The following PCDHGA9 variants were observed in gnomAD, a reference collection of about 807,000 sequenced individuals.
PCDHGA9 encodes the protein protocadherin gamma-A9.
A neutral mutation model predicts 62.5 loss-of-function variants in PCDHGA9; 37 were observed. The observed-to-expected ratio is 0.59, with a 90% confidence interval of 0.46 to 0.78. The LOEUF (loss-of-function observed/expected upper bound fraction) is 0.78. Among genes scored for constraint, PCDHGA9 ranks in the 30% least tolerant of loss-of-function variants. PCDHGA9 has a pLI of 0.00. For synonymous variants in PCDHGA9, 459 were observed against 484.6 expected (o/e 0.95, Z 0.69); for missense variants, 1,138 against 1,166.2 (o/e 0.98, Z 0.35).
chr5:141,419,936 G>T, intron 1 of PCDHGA9: 2 of 1,614,074 alleles, frequency 1.2e-6, no homozygotes, highest in Non-Finnish European at 1.7e-6. Context: ...GTTTTACCTG[G>T]TGGTGGCCTT....
chr5:141,445,134 A>G lies in PCDHGA9; in HGVS notation c.2424+39758A>G, dbSNP rs900226020. ...TTGTAAATAGTATTTTTAAAATTGT[A>G]TCTTCTAATTGTTCATTTCTAGTTT... On this transcript the variant is annotated intron_variant, in intron 1 of 3. Transcript: ENST00000573521. Among the ~76,000 whole-genome samples, 174 of 152,316 alleles carry G rather than the reference A, an allele frequency of 1.1e-3. 4 individuals carry two copies. The highest frequency in any genetic ancestry group is 5.3e-4 in the Non-Finnish European group (36 of 68,016).
intron 1 of PCDHGA9, chr5:141,430,525 G>C (rs1354801907): frequency 3.3e-5 from 12 of 365,842 alleles, no homozygotes; most frequent in Admixed American, 1.3e-4. Context: ...GCAGTAATTG[G>C]TTAGGACTCT....
chr5:141,418,350 T>A, intron 1 of PCDHGA9: 1 of 1,614,002 alleles, frequency 6.2e-7, no homozygotes, highest in Non-Finnish European at 8.5e-7. Context: ...GATATTAGTA[T>A]GAATTCGCTG....
chr5:141,440,444 C>G (rs2098178389), intron 1 of PCDHGA9: 1 of 152,038 alleles, frequency 6.6e-6, no homozygotes, highest in Admixed American at 6.6e-5. Context: ...AAGGCGCCAT[C>G]TCAAAAAAAA....
At chr5:141,506,231 A>G (rs1453468632) in intron 3 of PCDHGA9, among the ~76,000 whole-genome samples, 4 of 152,082 alleles carry the variant, frequency 2.6e-5, no homozygotes, top group African/African-American at 4.8e-5. Context: ...CAGGAGGATC[A>G]TGAGGTCAGG....
Position 141,476,845 on chromosome 5 carries a change from C to T in PCDHGA9, c.2425-17962C>T. On this transcript the variant is annotated intron_variant, in intron 1 of 3. Transcript: ENST00000573521. The surrounding 1 kb of genome is among the most constrained non-coding windows in gnomAD (Gnocchi z 7.6). ...TGGACGCGAATGACAATGCGCCTGT[C>T]TTCAACCAGTCCTTGTACCGGGCGC... 1 of 1,613,794 alleles carries T rather than the reference C, an allele frequency of 6.2e-7. No homozygotes were observed. Among genetic ancestry groups the T allele is most frequent in the Non-Finnish European group, 8.5e-7 (1 of 1,180,054 alleles).
chr5:141,422,629 A>C lies in PCDHGA9; in HGVS notation c.2424+17253A>C, dbSNP rs780472571. 1.9e-6 allele frequency: 3 copies of C among 1,613,270 alleles called. No homozygotes were observed. The Admixed American group carries it at 5.0e-5, about 27-fold the overall frequency. Reference sequence around the variant, plus strand: ...TGCCTACATTCCCGAAAACAACCCCAGGGGTGCCTCCATCTTCTCAGTGAC... The same window carrying C: ...TGCCTACATTCCCGAAAACAACCCCCGGGGTGCCTCCATCTTCTCAGTGAC... On this transcript the variant is annotated intron_variant, in intron 1 of 3. Transcript: ENST00000573521.
At position 141,476,326 on chromosome 5, in the gene PCDHGA9, T is replaced by A. The variant is rs752845438; in HGVS notation, c.2425-18481T>A. Reference sequence around the variant, plus strand: ...CAGCCCGCAGGTTCCGGGTGGTGTCTGGAGCTAGCCGAAGATTCTTTGAGG... The same window carrying A: ...CAGCCCGCAGGTTCCGGGTGGTGTCAGGAGCTAGCCGAAGATTCTTTGAGG... On this transcript the variant is annotated intron_variant, in intron 1 of 3. Coordinates refer to ENST00000573521, the MANE Select transcript of PCDHGA9 (RefSeq NM_018921.3). This position sits in a 1 kb window ranked among gnomAD's most constrained non-coding sequence, Gnocchi z 7.6. The A allele has an allele frequency of 6.2e-7, 1 of 1,614,120 alleles. No individual in the cohort carries two copies. Among genetic ancestry groups the A allele is most frequent in the Non-Finnish European group, 8.5e-7 (1 of 1,180,034 alleles).
chr5:141,477,573 C>T lies in PCDHGA9; in HGVS notation c.2425-17234C>T, dbSNP rs1593790046. The T allele has an allele frequency of 6.2e-7, 1 of 1,614,056 alleles. No individual in the cohort carries two copies. Among genetic ancestry groups the T allele is most frequent in the South Asian group, 1.1e-5 (1 of 91,086 alleles). ...AACCTAAGTGTCTGGGACCCCGACGCCCCGCAGAATGCTCGGCTTTCTTTC... is the reference window on the plus strand; with the variant it reads ...AACCTAAGTGTCTGGGACCCCGACGTCCCGCAGAATGCTCGGCTTTCTTTC... On this transcript the variant is annotated intron_variant, in intron 1 of 3. Coordinates refer to ENST00000573521, the MANE Select transcript of PCDHGA9 (RefSeq NM_018921.3). This position sits in a 1 kb window ranked among gnomAD's most constrained non-coding sequence, Gnocchi z 4.9.
In PCDHGA9 at chr5:141,432,847, G is replaced by C. The variant is rs768265171; in HGVS notation, c.2424+27471G>C. ...ACCTCACTCTGTACCTGGTGGTAGC[G>C]GTGGCCGCGGTCTCCTGCGTCTTCC... On this transcript the variant is annotated intron_variant, in intron 1 of 3. Transcript: ENST00000573521. The surrounding 1 kb of genome is among the most constrained non-coding windows in gnomAD (Gnocchi z 6.0). The C allele has an allele frequency of 1.2e-6, 2 of 1,614,180 alleles. No homozygotes were observed. Among genetic ancestry groups the C allele is most frequent in the Admixed American group, 1.7e-5 (1 of 60,032 alleles).
Position 141,423,337 on chromosome 5 carries a change from A to G in PCDHGA9, c.2424+17961A>G, listed in dbSNP as rs769321122. The G allele has an allele frequency of 6.0e-5, 97 of 1,614,180 alleles. 1 individual carries two copies. The African/African-American group carries it at 8.9e-4, about 15-fold the overall frequency. ...GGTGGCGGTGGCCGCAGTCTCCTGC[A>G]TCTTCCTGGTCTTTGTCATCGTGCT... On this transcript the variant is annotated intron_variant, in intron 1 of 3. Coordinates refer to ENST00000573521, the MANE Select transcript of PCDHGA9 (RefSeq NM_018921.3).
chr5:141,456,390 T>G (rs1007800936), intron 1 of PCDHGA9, among the ~76,000 whole-genome samples: 2 of 152,114 alleles, frequency 1.3e-5, no homozygotes, highest in African/African-American at 4.8e-5. Context: ...CGTTTGGAGT[T>G]TGATTGCTTC....
chr5:141,403,350 TC>T lies in PCDHGA9; in HGVS notation c.400del (p.Gln134ArgfsTer7). 1.2e-6 allele frequency: 2 copies of T among 1,613,994 alleles called. No homozygotes were observed. The highest frequency in any genetic ancestry group is 1.7e-6 in the Non-Finnish European group (2 of 1,179,902). On this transcript the variant is annotated frameshift_variant, in exon 1 of 4. Coordinates refer to ENST00000573521, the MANE Select transcript of PCDHGA9 (RefSeq NM_018921.3). LOFTEE classifies it high-confidence loss of function. ...GATATTAACGACAGCGCCCCAAAGT[TC>T]CAGGCCGAAAGTCTGGAAGTAAAAA... ...VTDINDSAPK[F>X]QAESLEVKIN...
rs747159210 is a variant in PCDHGA9, at chr5:141,511,184, A to C, written c.*11A>C. 1.2e-5 allele frequency: 19 copies of C among 1,613,876 alleles called. No homozygotes were observed. In the Admixed American group the frequency reaches 3.2e-4, roughly 27 times the overall value. ...AAGGAGAAGAAGTAACATGGAGGCC[A>C]GGCCAAGAGCCACAGGGCGGCCTCT... is the stretch of plus-strand genomic sequence containing the variant. On this transcript the variant is annotated 3_prime_UTR_variant, in exon 4 of 4. Transcript: ENST00000573521.
At position 141,432,266 on chromosome 5, in the gene PCDHGA9, T is replaced by A. The variant is rs1444077446; in HGVS notation, c.2424+26890T>A. The A allele has an allele frequency of 9.3e-6, 15 of 1,614,096 alleles. No individual in the cohort carries two copies. Among genetic ancestry groups the A allele is most frequent in the Admixed American group, 3.3e-5 (2 of 60,010 alleles). The stretch of plus-strand genomic sequence containing the variant: ...CACCATCCAAGGGGCAAGCCTATCG[T>A]CCTACGTGTCCATCAACTCCGACAC... On this transcript the variant is annotated intron_variant, in intron 1 of 3. Transcript: ENST00000573521. The surrounding 1 kb of genome is among the most constrained non-coding windows in gnomAD (Gnocchi z 6.0).
rs909174523 is a variant in PCDHGA9 at position 141,474,102 on chromosome 5, A to AAAC, written c.2425-20695_2425-20693dup. 2.6e-5 allele frequency among the ~76,000 whole-genome samples: 4 copies of AAAC among 152,286 alleles called. No homozygotes were observed. In the East Asian group the frequency reaches 7.7e-4, roughly 29 times the overall value. ...AAAACCAAAAAACAAACAACAACAA[A>AAAC]AACAACAACAACGAAAATCTCAGAA... is the stretch of plus-strand genomic sequence containing the variant. On this transcript the variant is annotated intron_variant, in intron 1 of 3. Coordinates refer to ENST00000573521, the MANE Select transcript of PCDHGA9 (RefSeq NM_018921.3).
intron 1 of PCDHGA9, chr5:141,410,134 C>G (rs573769764): frequency 6.2e-7 from 1 of 1,612,766 alleles, no homozygotes; most frequent in Admixed American, 1.7e-5. Context: ...GCCTGCTGGT[C>G]GCTGTGCGTG....
In PCDHGA9 at chr5:141,487,227, G is replaced by A. The variant is rs763361726; in HGVS notation, c.2425-7580G>A. The A allele has an allele frequency of 6.2e-7, 1 of 1,614,070 alleles. No individual in the cohort carries two copies. Among genetic ancestry groups the A allele is most frequent in the Non-Finnish European group, 8.5e-7 (1 of 1,179,952 alleles). On this transcript the variant is annotated intron_variant, in intron 1 of 3. Transcript: ENST00000573521. The surrounding 1 kb of genome is among the most constrained non-coding windows in gnomAD (Gnocchi z 5.0). The stretch of plus-strand genomic sequence containing the variant: ...CGAGAATCTTCAGCTCCAAGGGAAG[G>A]AGAATCTCGTCTAACCCTCTACTTG...
chr5:141,405,595 A>C (rs1255161296), intron 1 of PCDHGA9: 1 of 578,138 alleles, frequency 1.7e-6, no homozygotes, highest in Non-Finnish European at 3.1e-6. Flanking sequence ...CAGGCCTCCC[A>C]AGTAGAATAA....
Sources: gnomAD v4.1 joint callset for allele counts (sites outside exome capture counted in the v4.1 genomes callset) on GRCh38, gnomAD v4.1.1 for gene constraint, Gnocchi (gnomAD v3.1) non-coding constraint, MANE v1.5 for transcripts, NCBI Gene and HGNC (gene_info 2026-07-23, HGNC 2026-07-21) for gene names.